Variants in NCK1 observed in about 807,000 individuals in gnomAD.
NCK1 encodes SH2/SH3 adapter protein NCK1.
In NCK1, 19 loss-of-function variants were observed where a neutral mutation model predicts 36.6. The observed-to-expected ratio is 0.52, with a 90% CI of 0.36 to 0.76. The LOEUF (loss-of-function observed/expected upper bound fraction) is 0.76. Among genes scored for constraint, NCK1 ranks in the 30% least tolerant of loss-of-function variants. The probability of loss-of-function intolerance (pLI) is 0.00; values close to 1 mark genes in which losing one functional copy is unlikely to be tolerated. For missense variants in NCK1, 358 were observed against 445.6 expected, an observed-to-expected ratio of 0.80 and a Z score of 1.77; for synonymous variants, 165 against 156.0, an observed-to-expected ratio of 1.06 and a Z score of -0.43.
At chr3:136,933,088 A>T (rs943364806) in intron 2 of NCK1, among the ~76,000 whole-genome samples, 10 of 152,232 alleles carry the variant, frequency 6.6e-5, no homozygotes, top group Admixed American at 3.9e-4. Context: ...GATTGGTGAG[A>T]ACCTAGCCTG....
chr3:136,929,062 T>C (rs3915455), intron 2 of NCK1, among the ~76,000 whole-genome samples: 103,544 of 151,826 alleles, frequency 0.68, 35,597 homozygotes, highest in East Asian at 0.87. Flanking sequence ...TATGAAATAC[T>C]GTTGACTCAC....
At chr3:136,892,726 A>G (rs1336755750) in intron 1 of NCK1, among the ~76,000 whole-genome samples, 1 of 152,158 alleles carries the variant, frequency 6.6e-6, no homozygotes, top group Non-Finnish European at 1.5e-5. Context: ...TGTTGTTTTA[A>G]GCCACTATTG....
At chr3:136,899,261 C>A (rs931020527) in intron 1 of NCK1, 2 of 258,052 alleles carry the variant, frequency 7.8e-6, no homozygotes, top group Non-Finnish European at 1.6e-5. Context: ...GTAATGGTTT[C>A]CTAGTGGCAT....
chr3:136,895,712 G>A (rs1056715185), intron 1 of NCK1, among the ~76,000 whole-genome samples: 9 of 151,888 alleles, frequency 5.9e-5, no homozygotes, highest in Non-Finnish European at 8.8e-5. Flanking sequence ...TTACAGGTGC[G>A]TACCACCACA....
At chr3:136,897,122 C>T (rs752445841) in intron 1 of NCK1, among the ~76,000 whole-genome samples, 1 of 151,630 alleles carries the variant, frequency 6.6e-6, no homozygotes, top group African/African-American at 2.4e-5. Flanking sequence ...AATCTCACTC[C>T]CTGTCACCTA....
chr3:136,872,338 A>G (rs1434076421), intron 1 of NCK1, among the ~76,000 whole-genome samples: 1 of 152,192 alleles, frequency 6.6e-6, no homozygotes, highest in Non-Finnish European at 1.5e-5. Flanking sequence ...CCCCTGCCCT[A>G]GAGATCTGTG....
chr3:136,933,840 GAC>G (rs1940454540), intron 2 of NCK1, among the ~76,000 whole-genome samples: 1 of 152,110 alleles, frequency 6.6e-6, no homozygotes. Context: ...AAGCAGCTGG[GAC>G]TACAGGTGCA....
At chr3:136,934,928 T>C (rs1940490579) in intron 2 of NCK1, among the ~76,000 whole-genome samples, 1 of 152,166 alleles carries the variant, frequency 6.6e-6, no homozygotes, top group Non-Finnish European at 1.5e-5. Flanking sequence ...CAGGAAGTGC[T>C]ATGACCTGAG....
intron 1 of NCK1, among the ~76,000 whole-genome samples, chr3:136,904,397 C>G (rs1419859369): frequency 6.6e-6 from 1 of 152,196 alleles, no homozygotes; most frequent in African/African-American, 2.4e-5. Flanking sequence ...AAGTGATCCA[C>G]CTGCCTCAGC....
chr3:136,940,710 A>C (rs1196721280), intron 2 of NCK1, among the ~76,000 whole-genome samples: 2 of 151,856 alleles, frequency 1.3e-5, no homozygotes, highest in African/African-American at 4.8e-5. Context: ...ATGCCTAACT[A>C]ATTTTTGTAT....
At chr3:136,914,260 A>G (rs1044776991) in intron 1 of NCK1, among the ~76,000 whole-genome samples, 2 of 152,200 alleles carry the variant, frequency 1.3e-5, no homozygotes, top group African/African-American at 4.8e-5. Flanking sequence ...AAAGCTGTGG[A>G]ACACATGCGT....
Position 136,951,567 on chromosome 3 carries a change from T to G in NCK1, c.*3114T>G, listed in dbSNP as rs1041813466. On this transcript the variant is annotated 3_prime_UTR_variant, in exon 4 of 4. Transcript: ENST00000481752. Reference sequence around the variant, plus strand: ...TTACCAGTGCACATGGTGAAAAAATTCAAACAGTATAATAAAGTCTTCTTT... The same window carrying G: ...TTACCAGTGCACATGGTGAAAAAATGCAAACAGTATAATAAAGTCTTCTTT... Among the ~76,000 whole-genome samples the G allele has an allele frequency of 6.6e-6, 1 of 152,138 alleles. No individual in the cohort carries two copies. The highest frequency in any genetic ancestry group is 2.4e-5 in the African/African-American group (1 of 41,426).
intron 1 of NCK1, among the ~76,000 whole-genome samples, chr3:136,905,640 C>G (rs1414983378): frequency 6.6e-6 from 1 of 151,814 alleles, no homozygotes; most frequent in African/African-American, 2.4e-5. Context: ...TTTTTTCCCC[C>G]CTGAGACAGG....
chr3:136,876,326 A>G (rs902080640), intron 1 of NCK1, among the ~76,000 whole-genome samples: 7 of 152,204 alleles, frequency 4.6e-5, no homozygotes, highest in Admixed American at 2.0e-4. Flanking sequence ...AAAGAAATAG[A>G]GACACAAAAA....
Position 136,941,106 on chromosome 3 carries a change from ATTTC to A in NCK1, c.227-4473_227-4470del, listed in dbSNP as rs199841323. On this transcript the variant is annotated intron_variant, in intron 2 of 3. Transcript: ENST00000481752. Reference sequence around the variant, plus strand: ...TCTTCTATTACTGTCTTCTTTTGTGATTTCTTTTTCTTTTTTTTTTTTTTTTTTG... The same window carrying A: ...TCTTCTATTACTGTCTTCTTTTGTGATTTTTCTTTTTTTTTTTTTTTTTTG... Among the ~76,000 whole-genome samples, 935 of 119,332 alleles carry A rather than the reference ATTTC, an allele frequency of 7.8e-3. 15 individuals carry two copies. The highest frequency in any genetic ancestry group is 0.027 in the African/African-American group (885 of 32,230). The allele number at this position is 119,332 out of a possible 152,430, so 78.3% of individuals were successfully genotyped here. A position where few individuals can be genotyped will look rare whatever the true frequency, so the allele number is the denominator to read the frequency against.
chr3:136,932,311 A>G (rs10935210), intron 2 of NCK1, among the ~76,000 whole-genome samples: 101,852 of 151,782 alleles, frequency 0.67, 34,568 homozygotes, highest in East Asian at 0.87. Context: ...AGCAACCCCA[A>G]ATTTTTATTT....
intron 2 of NCK1, among the ~76,000 whole-genome samples, chr3:136,941,330 A>C (rs1197017876): frequency 6.6e-6 from 1 of 151,928 alleles, no homozygotes; most frequent in Non-Finnish European, 1.5e-5. Flanking sequence ...AGGTCTCAGC[A>C]TGTTGGCCAG....
At chr3:136,905,916 C>T (rs1275814418) in intron 1 of NCK1, among the ~76,000 whole-genome samples, 1 of 152,022 alleles carries the variant, frequency 6.6e-6, no homozygotes, top group Non-Finnish European at 1.5e-5. Context: ...TGAGCTACTG[C>T]ACCTGGCCAG....
intron 1 of NCK1, among the ~76,000 whole-genome samples, chr3:136,922,328 G>A (rs1446942829): frequency 6.6e-6 from 1 of 152,164 alleles, no homozygotes; most frequent in African/African-American, 2.4e-5. Context: ...AGTTCTTGAT[G>A]GTAGAAGATT....
Sources: allele counts gnomAD v4.1 joint callset (sites outside exome capture counted in the v4.1 genomes callset), GRCh38; gene constraint gnomAD v4.1.1; transcripts MANE v1.5; gene names NCBI Gene and HGNC (gene_info 2026-07-23, HGNC 2026-07-21).